Variants in CYLD observed in about 807,000 individuals in gnomAD.
CYLD encodes CYLD lysine 63 deubiquitinase, also known as ubiquitin carboxyl-terminal hydrolase CYLD.
CYLD carries 26 observed loss-of-function variants against 104.5 expected under a neutral mutation model. That is an observed-to-expected ratio of 0.25 (90% confidence interval 0.18 to 0.35). CYLD has a LOEUF of 0.35. CYLD is among the 10% of genes least tolerant of loss of function. The pLI is 1.00. For missense variants in CYLD, 703 were observed against 1,136.1 expected (o/e 0.62, Z 5.48); for synonymous variants, 385 against 399.9 (o/e 0.96, Z 0.45).
At chr16:50,753,968 G>A (rs562750023) in intron 4 of CYLD, among the ~76,000 whole-genome samples, 18 of 152,232 alleles carry the variant, frequency 1.2e-4, no homozygotes, top group Non-Finnish European at 2.6e-4. Context: ...GAAACTTCCT[G>A]TGCAAAATAC....
At chr16:50,773,278 A>G (rs542787975) in intron 5 of CYLD, among the ~76,000 whole-genome samples, 2 of 152,308 alleles carry the variant, frequency 1.3e-5, no homozygotes, top group African/African-American at 4.8e-5. Context: ...AGATTCTCCA[A>G]GGGATTTTTC....
intron 5 of CYLD, among the ~76,000 whole-genome samples, chr16:50,771,114 C>T (rs1035842351): frequency 1.3e-5 from 2 of 152,174 alleles, no homozygotes; most frequent in Middle Eastern, 3.2e-3. Flanking sequence ...CACCACTATC[C>T]AGTTCCAGAA....
chr16:50,780,057 G>C lies in CYLD; in HGVS notation c.1518+13G>C, dbSNP rs751471967. ...TGGACTGGAACTGGTAATTTAACTT[G>C]ACCCAAAAATTTCAATTTTTTTCTC... is the stretch of plus-strand genomic sequence containing the variant. On this transcript the variant is annotated intron_variant, in intron 9 of 18. Transcript: ENST00000427738. 2 of 1,613,586 alleles carry C rather than the reference G, an allele frequency of 1.2e-6. No homozygotes were observed. Among genetic ancestry groups the C allele is most frequent in the Admixed American group, 3.3e-5 (2 of 60,026 alleles).
rs1397870271 is a variant in CYLD at position 50,797,589 on chromosome 16, A to G, written c.*1081A>G. ...GGATGTTTTGTTTAATAACAGCCAT[A>G]GTGTGTGTTTAGACCACAGCGGATG... On this transcript the variant is annotated 3_prime_UTR_variant, in exon 19 of 19. Coordinates refer to ENST00000427738, the MANE Select transcript of CYLD (RefSeq NM_001378743.1). The G allele has an allele frequency of 4.3e-6, 1 of 232,564 alleles. No individual in the cohort carries two copies. Among genetic ancestry groups the G allele is most frequent in the East Asian group, 6.0e-5 (1 of 16,586 alleles). The allele number at this position is 232,564 out of a possible 1,614,324, so 14.4% of individuals were successfully genotyped here. A position where few individuals can be genotyped will look rare whatever the true frequency, so the allele number is the denominator to read the frequency against.
chr16:50,752,015 T>C, intron 4 of CYLD, 109 bp downstream of exon 4: 1 of 248,244 alleles, frequency 4.0e-6, no homozygotes, highest in Non-Finnish European at 6.6e-6. Flanking sequence ...CACACATATA[T>C]ATGTATAGTT....
At chr16:50,758,971 G>C (rs1243962791) in intron 5 of CYLD, among the ~76,000 whole-genome samples, 2 of 152,168 alleles carry the variant, frequency 1.3e-5, no homozygotes, top group African/African-American at 2.4e-5. Flanking sequence ...GGGTGCAGTG[G>C]CTTATTCCTG....
rs1312222396 is a variant in CYLD at position 50,794,437 on chromosome 16, A to G, written c.2686+9A>G. On this transcript the variant is annotated intron_variant, in intron 18 of 18. Transcript: ENST00000427738. The surrounding 1 kb of genome is among the most constrained non-coding windows in gnomAD (Gnocchi z 4.1). ...CATGGCCGATCGGGATGGTACTGAA[A>G]ACGCCTTTCTTCTGCATGTGGCACA... The G allele has an allele frequency of 3.7e-6, 6 of 1,613,908 alleles. No homozygotes were observed. Among genetic ancestry groups the G allele is most frequent in the Non-Finnish European group, 5.1e-6 (6 of 1,179,900 alleles).
chr16:50,743,058 C>G (rs902938595), intron 2 of CYLD, among the ~76,000 whole-genome samples: 2 of 152,146 alleles, frequency 1.3e-5, no homozygotes, highest in African/African-American at 4.8e-5. Context: ...GCCACCAAGC[C>G]TGTGGCCTTG....
At chr16:50,764,275 T>G (rs1286011523) in intron 5 of CYLD, among the ~76,000 whole-genome samples, 1 of 152,236 alleles carries the variant, frequency 6.6e-6, no homozygotes, top group Non-Finnish European at 1.5e-5. Context: ...AGATTAGAAT[T>G]ACCTATTCCT....
At chr16:50,776,663 TAC>T (rs1009820535) in intron 7 of CYLD, among the ~76,000 whole-genome samples, 1 of 152,212 alleles carries the variant, frequency 6.6e-6, no homozygotes, top group Non-Finnish European at 1.5e-5. Context: ...CTAGATTTGG[TAC>T]AAATTAAATC....
In CYLD at chr16:50,779,720, T is replaced by G; in HGVS notation, c.1194T>G (p.Ser398=). The change falls in exon 9 of 19, where the codon TCT becomes TCG. Residue 398 remains serine, a synonymous_variant. Coordinates refer to ENST00000427738, the MANE Select transcript of CYLD (RefSeq NM_001378743.1). The stretch of plus-strand genomic sequence containing the variant: ...AGATATCTACAGACTTTGACCGTTC[T>G]TCACCACCACTCCAGCCTCCTCCTG... ...LTEISTDFDR[S]SPPLQPPPVN... 6.2e-7 allele frequency: 1 copy of G among 1,613,994 alleles called. No homozygotes were observed. Among genetic ancestry groups the G allele is most frequent in the Non-Finnish European group, 8.5e-7 (1 of 1,179,960 alleles).
chr16:50,788,874 GA>G (rs1429802865), intron 14 of CYLD, among the ~76,000 whole-genome samples: 2 of 152,086 alleles, frequency 1.3e-5, no homozygotes, highest in Admixed American at 1.3e-4. Flanking sequence ...TATTGAGATA[GA>G]TTTTTTTTAA....
intron 10 of CYLD, 94 bp downstream of exon 10, chr16:50,781,505 A>T: frequency 4.8e-6 from 7 of 1,465,446 alleles, no homozygotes; most frequent in Non-Finnish European, 4.7e-6. Context: ...CAGTGTTTTA[A>T]TATATTTCTT....
chr16:50,784,611 CT>C (rs1970620717), intron 12 of CYLD, 160 bp downstream of exon 12: 2 of 731,408 alleles, frequency 2.7e-6, no homozygotes, highest in Middle Eastern at 4.0e-4. Flanking sequence ...GGTCCTTGTA[CT>C]TTTTTGCTTA....
rs1241401532 is a variant in CYLD, at chr16:50,791,703, C to CGT, written c.2241+13_2241+14insGT. 2 of 1,612,524 alleles carry CGT rather than the reference C, an allele frequency of 1.2e-6. No homozygotes were observed. The highest frequency in any genetic ancestry group is 2.7e-5 in the African/African-American group (2 of 74,892). On this transcript the variant is annotated intron_variant, in intron 15 of 18. Transcript: ENST00000427738. The stretch of plus-strand genomic sequence containing the variant: ...GAAATTTGCAGAGGTTAGTGATACT[C>CGT]ACCTGTGGTATTTTATGTGAAAGTC...
chr16:50,746,184 C>T (rs1308429159), intron 2 of CYLD, among the ~76,000 whole-genome samples: 1 of 152,196 alleles, frequency 6.6e-6, no homozygotes, highest in African/African-American at 2.4e-5. Flanking sequence ...ACTACAGGCA[C>T]ATGCCATCAC....
chr16:50,799,025 C>A lies in CYLD; in HGVS notation c.*2517C>A, dbSNP rs1170436448. 1 of 233,294 alleles carries A rather than the reference C, an allele frequency of 4.3e-6. No homozygotes were observed. Among genetic ancestry groups the A allele is most frequent in the East Asian group, 6.0e-5 (1 of 16,728 alleles). 14.5% of individuals were successfully genotyped at this position (233,294 alleles called of 1,614,324 possible). ...CCTACTGTTCTGTGCTTCAGCACAG[C>A]CTGGTTTGTCAAGAGGCACATAGTT... On this transcript the variant is annotated 3_prime_UTR_variant, in exon 19 of 19. Coordinates refer to ENST00000427738, the MANE Select transcript of CYLD (RefSeq NM_001378743.1).
intron 5 of CYLD, among the ~76,000 whole-genome samples, chr16:50,763,919 A>C (rs1315281811): frequency 1.3e-5 from 2 of 152,164 alleles, no homozygotes; most frequent in Non-Finnish European, 2.9e-5. Flanking sequence ...GAAGTTACCT[A>C]CTGTTCCTAG....
intron 5 of CYLD, among the ~76,000 whole-genome samples, chr16:50,762,849 C>A (rs901807964): frequency 6.6e-6 from 1 of 152,102 alleles, no homozygotes; most frequent in African/African-American, 2.4e-5. Context: ...TGTAGAAATA[C>A]AATTGACTTT....
Sources: allele counts gnomAD v4.1 joint callset (sites outside exome capture counted in the v4.1 genomes callset), GRCh38; gene constraint gnomAD v4.1.1; non-coding constraint Gnocchi (gnomAD v3.1); transcripts MANE v1.5; gene names NCBI Gene and HGNC (gene_info 2026-07-23, HGNC 2026-07-21).